The following TP73 variants were observed in gnomAD, a reference collection of about 807,000 sequenced individuals.
The protein encoded by TP73 is tumor protein p73.
Under a neutral mutation model 62.5 loss-of-function variants are expected in TP73, and 25 were observed. The ratio of observed to expected loss-of-function variants is 0.40; its 90% CI spans 0.29 to 0.56. TP73 has a LOEUF of 0.56. Among genes scored for constraint, TP73 ranks in the 20% least tolerant of loss-of-function variants. The pLI, the probability that TP73 is intolerant of heterozygous loss-of-function variation, is 0.46. For missense variants in TP73, 754 were observed against 913.3 expected, an observed-to-expected ratio of 0.83 and a Z score of 2.25; for synonymous variants, 423 against 377.5, an observed-to-expected ratio of 1.12 and a Z score of -1.40.
At chr1:3,682,960 AC>A in intron 2 of TP73, 99 bp from the exon 3 acceptor site, 1 of 1,478,292 alleles carries the variant, frequency 6.8e-7, no homozygotes, top group Non-Finnish European at 9.1e-7. Flanking sequence ...CGTAGGCCTC[AC>A]CAGGAGTCTC....
chr1:3,655,600 G>A (rs957009420), intron 1 of TP73, among the ~76,000 whole-genome samples: 20 of 152,122 alleles, frequency 1.3e-4, no homozygotes, highest in African/African-American at 3.6e-4. Context: ...TTGAATTCCC[G>A]TGTTATTTGT....
Position 3,670,147 on chromosome 1 carries a change from G to A in TP73, c.-33-12186G>A, listed in dbSNP as rs145629415. Among the ~76,000 whole-genome samples the A allele has an allele frequency of 2.0e-5, 3 of 152,124 alleles. No individual in the cohort carries two copies. The highest frequency in any genetic ancestry group is 3.9e-4 in the East Asian group (2 of 5,158). ...TGGCTTGCTGTGTCGCTCTGGGTGC[G>A]TTTTACACCACTCTGAGGATCTCTC... On this transcript the variant is annotated intron_variant, in intron 1 of 13. Coordinates refer to ENST00000378295, the MANE Select transcript of TP73 (RefSeq NM_005427.4). The surrounding 1 kb of genome is among the most constrained non-coding windows in gnomAD (Gnocchi z 5.9).
intron 1 of TP73, among the ~76,000 whole-genome samples, chr1:3,655,350 G>A (rs1329507830): frequency 6.6e-6 from 1 of 152,152 alleles, no homozygotes. Flanking sequence ...TCACCCCACT[G>A]CACTCCAGCC....
At chr1:3,653,268 G>A (rs979172350) in intron 1 of TP73, among the ~76,000 whole-genome samples, 17 of 152,232 alleles carry the variant, frequency 1.1e-4, no homozygotes, top group Non-Finnish European at 2.5e-4. Context: ...GCCTGTCTCC[G>A]GAGCGGTCCC....
At position 3,696,894 on chromosome 1, in the gene TP73, C is replaced by T. The variant is rs1361332100; in HGVS notation, c.187-10655C>T. Among the ~76,000 whole-genome samples the T allele has an allele frequency of 6.6e-6, 1 of 152,180 alleles. No individual in the cohort carries two copies. Among genetic ancestry groups the T allele is most frequent in the Non-Finnish European group, 1.5e-5 (1 of 68,020 alleles). ...CTAGTGCACGCCCGCCTCCGGCCCC[C>T]CTGCCACCCTCGGCCAGCTGCTATT... is the stretch of plus-strand genomic sequence containing the variant. On this transcript the variant is annotated intron_variant, in intron 3 of 13. Transcript: ENST00000378295. The surrounding 1 kb of genome is among the most constrained non-coding windows in gnomAD (Gnocchi z 4.1).
At position 3,663,275 on chromosome 1, in the gene TP73, A is replaced by T. The variant is rs1213057456; in HGVS notation, c.-34+10634A>T. On this transcript the variant is annotated intron_variant, in intron 1 of 13. Transcript: ENST00000378295. This position sits in a 1 kb window ranked among gnomAD's most constrained non-coding sequence, Gnocchi z 4.7. ...GTGGCTGCCGTACCAGTAATGAAAG[A>T]CAAGTTAACAAGAGGGCCGTGCAGG... is the stretch of plus-strand genomic sequence containing the variant. 6.6e-6 allele frequency among the ~76,000 whole-genome samples: 1 copy of T among 152,214 alleles called. No individual in the cohort carries two copies. The highest frequency in any genetic ancestry group is 1.5e-5 in the Non-Finnish European group (1 of 68,040).
intron 3 of TP73, among the ~76,000 whole-genome samples, chr1:3,694,426 C>T (rs113509681): frequency 8.7e-3 from 9 of 1,036 alleles, no homozygotes; most frequent in African/African-American, 7.3e-3. Flanking sequence ...CCCCTCCTCC[C>T]GCAATCCCAG....
chr1:3,693,169 C>T (rs570072140), intron 3 of TP73, among the ~76,000 whole-genome samples: 7 of 152,250 alleles, frequency 4.6e-5, no homozygotes, highest in East Asian at 3.9e-4. Flanking sequence ...TCCTAATGGG[C>T]GGAGTGGTGA....
chr1:3,713,473 G>A (rs983538193), intron 4 of TP73, among the ~76,000 whole-genome samples: 1 of 152,210 alleles, frequency 6.6e-6, no homozygotes, highest in African/African-American at 2.4e-5. Context: ...CTGGACCTTG[G>A]GCCGTGTGGG....
intron 1 of TP73, among the ~76,000 whole-genome samples, chr1:3,654,295 C>T (rs1273403161): frequency 1.3e-5 from 2 of 152,098 alleles, no homozygotes; most frequent in Non-Finnish European, 2.9e-5. Flanking sequence ...CTTGTCTATG[C>T]GCGGCGGCCA....
chr1:3,689,882 G>A (rs1557514225), intron 3 of TP73, among the ~76,000 whole-genome samples: 1 of 152,096 alleles, frequency 6.6e-6, no homozygotes, highest in African/African-American at 2.4e-5. Flanking sequence ...AGGGGGACTC[G>A]GGCCCCTCTG....
At position 3,717,876 on chromosome 1, in the gene TP73, G is replaced by C. The variant is rs537585529; in HGVS notation, c.430-4145G>C. Among the ~76,000 whole-genome samples, 4 of 152,210 alleles carry C rather than the reference G, an allele frequency of 2.6e-5. No homozygotes were observed. The East Asian group carries it at 5.8e-4, about 22-fold the overall frequency. On this transcript the variant is annotated intron_variant, in intron 4 of 13. Transcript: ENST00000378295. ...GGCCCGGCTGGGCACCTGGGGTCCA[G>C]TTAGTGCCAGGGTGAGGTCTGCCAG...
chr1:3,695,955 C>T (rs1376792732), intron 3 of TP73, among the ~76,000 whole-genome samples: 1 of 152,264 alleles, frequency 6.6e-6, no homozygotes, highest in Non-Finnish European at 1.5e-5. Context: ...CCCAAGTTTT[C>T]TGCCCTGAGA....
chr1:3,669,871 C>T (rs1005498829), intron 1 of TP73, among the ~76,000 whole-genome samples: 3 of 152,164 alleles, frequency 2.0e-5, no homozygotes, highest in Admixed American at 1.3e-4. Context: ...AGAGTGTGTA[C>T]GTGGCAGTGC....
chr1:3,659,817 G>A (rs1208140056), intron 1 of TP73, among the ~76,000 whole-genome samples: 3 of 145,256 alleles, frequency 2.1e-5, no homozygotes, highest in African/African-American at 5.1e-5. Context: ...GGAGTTACAG[G>A]CATGCACCAC....
Position 3,672,507 on chromosome 1 carries a change from C to T in TP73, c.-33-9826C>T, listed in dbSNP as rs1046671487. Among the ~76,000 whole-genome samples, 2 of 152,062 alleles carry T rather than the reference C, an allele frequency of 1.3e-5. No homozygotes were observed. The highest frequency in any genetic ancestry group is 1.5e-5 in the Non-Finnish European group (1 of 67,984). On this transcript the variant is annotated intron_variant, in intron 1 of 13. Coordinates refer to ENST00000378295, the MANE Select transcript of TP73 (RefSeq NM_005427.4). This position sits in a 1 kb window ranked among gnomAD's most constrained non-coding sequence, Gnocchi z 5.3. ...CATCAGTCACCTGCCCTGCTGAGGGCAGCGCTGTACTCATCACCTGTGAAC... is the reference window on the plus strand; with the variant it reads ...CATCAGTCACCTGCCCTGCTGAGGGTAGCGCTGTACTCATCACCTGTGAAC...
At chr1:3,660,538 AAT>A (rs1644967420) in intron 1 of TP73, among the ~76,000 whole-genome samples, 1 of 152,232 alleles carries the variant, frequency 6.6e-6, no homozygotes. Flanking sequence ...TAAAAATGCT[AAT>A]AGTTTCTAAA....
rs540114994 is a variant in TP73 at position 3,656,783 on chromosome 1, G to A, written c.-34+4142G>A. 2.2e-4 allele frequency among the ~76,000 whole-genome samples: 34 copies of A among 152,342 alleles called. No individual in the cohort carries two copies. The Middle Eastern group carries it at 0.014, about 61-fold the overall frequency. On this transcript the variant is annotated intron_variant, in intron 1 of 13. Transcript: ENST00000378295. ...CCAGAACATCTAAGCCAGGGGTAGA[G>A]AGTCCAGGGTGCTGTGAGCCTGGAT...
intron 1 of TP73, among the ~76,000 whole-genome samples, chr1:3,675,840 A>C (rs1003947957): frequency 2.0e-5 from 3 of 152,048 alleles, no homozygotes; most frequent in African/African-American, 7.2e-5. Context: ...ACGAGGCCTT[A>C]CCTGTGGGCC....
Sources: allele counts gnomAD v4.1 joint callset (sites outside exome capture counted in the v4.1 genomes callset), GRCh38; gene constraint gnomAD v4.1.1; non-coding constraint Gnocchi (gnomAD v3.1); transcripts MANE v1.5; gene names NCBI Gene and HGNC (gene_info 2026-07-23, HGNC 2026-07-21).